The following SERINC1 variants were observed in gnomAD, a reference collection of about 807,000 sequenced individuals.
SERINC1 encodes serine incorporator 1, also known as tumor differentially expressed protein 2.
A neutral mutation model predicts 52.9 loss-of-function variants in SERINC1; 38 were observed. The ratio of observed to expected loss-of-function variants is 0.72; its 90% confidence interval spans 0.55 to 0.94. The LOEUF (loss-of-function observed/expected upper bound fraction) is 0.94. Ranked by LOEUF, SERINC1 falls within the 40% of genes least tolerant of loss-of-function variation. The pLI is 0.00. For missense variants in SERINC1, 471 were observed against 533.9 expected, an observed-to-expected ratio of 0.88 and a Z score of 1.16; for synonymous variants, 198 against 183.1, an observed-to-expected ratio of 1.08 and a Z score of -0.66.
chr6:122,456,464 C>A lies in SERINC1; in HGVS notation c.371+17G>T. 6.8e-7 allele frequency: 1 copy of A among 1,463,454 alleles called. No individual in the cohort carries two copies. The highest frequency in any genetic ancestry group is 2.5e-5 in the East Asian group (1 of 40,182). 90.7% of individuals were successfully genotyped at this position (1,463,454 alleles called of 1,614,324 possible). On this transcript the variant is annotated intron_variant, in intron 3 of 9. Coordinates refer to ENST00000339697, the MANE Select transcript of SERINC1 (RefSeq NM_020755.4). ...GGCTACCCAAGCTTTTATATTGAAG[C>A]TTATTTAAAAACTTACCCATTGTGC...
Position 122,446,950 on chromosome 6 carries a change from T to C in SERINC1, c.1050A>G (p.Glu350=), listed in dbSNP as rs764168529. 4 of 1,613,662 alleles carry C rather than the reference T, an allele frequency of 2.5e-6. No homozygotes were observed. Among genetic ancestry groups the C allele is most frequent in the Non-Finnish European group, 2.5e-6 (3 of 1,179,680 alleles). The part of the protein sequence containing the change: ...QVNKLTLTSD[E]STLIEDGGAR... ...CTCCACCATCTTCTATTAATGTAGA[T>C]TCATCACTTGTTAGAGTCAGTTTAT... Residue 350 remains glutamate, a synonymous_variant, in exon 9 of 10, where the codon GAA becomes GAG. Coordinates refer to ENST00000339697, the MANE Select transcript of SERINC1 (RefSeq NM_020755.4).
chr6:122,468,336 C>T (rs1467001822), intron 1 of SERINC1, among the ~76,000 whole-genome samples: 1 of 152,190 alleles, frequency 6.6e-6, no homozygotes, highest in Non-Finnish European at 1.5e-5. Context: ...GATTTAGCAG[C>T]ATCCTTGTCC....
intron 1 of SERINC1, among the ~76,000 whole-genome samples, chr6:122,458,903 T>C (rs1440089367): frequency 6.6e-6 from 1 of 152,130 alleles, no homozygotes; most frequent in Non-Finnish European, 1.5e-5. Flanking sequence ...CCTTGGACTC[T>C]ATGCCAAGTA....
At chr6:122,450,842 C>T (rs938823121) in intron 7 of SERINC1, among the ~76,000 whole-genome samples, 32 of 152,230 alleles carry the variant, frequency 2.1e-4, no homozygotes, top group Admixed American at 2.0e-3. Flanking sequence ...TGAATTGCTG[C>T]AATTTCATTA....
chr6:122,445,231 G>A (rs1337944888), intron 9 of SERINC1, 52 bp from the exon 10 acceptor site: 1 of 1,558,834 alleles, frequency 6.4e-7, no homozygotes, highest in Admixed American at 1.8e-5. Context: ...TGAATTATCA[G>A]CCACCAAGCT....
intron 1 of SERINC1, among the ~76,000 whole-genome samples, chr6:122,469,548 T>TTTTTGTTTTG (rs539537090): frequency 6.6e-6 from 1 of 151,762 alleles, no homozygotes; most frequent in Non-Finnish European, 1.5e-5. Context: ...GATTTTTGTT[T>TTTTTGTTTTG]TTTTGTTTTG....
chr6:122,447,035 A>G (rs774613825), intron 8 of SERINC1, 31 bp from the exon 9 acceptor site: 13 of 1,581,512 alleles, frequency 8.2e-6, no homozygotes, highest in South Asian at 5.6e-5. Context: ...GAGGAGAGAA[A>G]AAAAAGAACA....
chr6:122,446,608 G>A (rs1182348165), intron 9 of SERINC1, among the ~76,000 whole-genome samples, 166 bp downstream of exon 9: 1 of 152,168 alleles, frequency 6.6e-6, no homozygotes, highest in Non-Finnish European at 1.5e-5. Context: ...TTAAAGCAAG[G>A]AAGTAAAGAC....
chr6:122,465,739 A>G (rs1240224058), intron 1 of SERINC1, among the ~76,000 whole-genome samples: 1 of 152,200 alleles, frequency 6.6e-6, no homozygotes, highest in Admixed American at 6.5e-5. Context: ...ACTAAGATCA[A>G]TGAAAGTGGG....
rs1204985241 is a variant in SERINC1 at position 122,451,939 on chromosome 6, G to A, written c.708C>T (p.Asn236=). 1 of 1,599,804 alleles carries A rather than the reference G, an allele frequency of 6.3e-7. No individual in the cohort carries two copies. Among genetic ancestry groups the A allele is most frequent in the East Asian group, 2.3e-5 (1 of 43,258 alleles). The stretch of plus-strand genomic sequence containing the variant: ...CAGAAGCACCAACGCAGAGGAGCAT[G>A]TTGACACTGATGAACGCCTTGTTTT... ...CSENKAFISV[N]MLLCVGASVM... is the part of the protein sequence containing the mutation. Residue 236 remains asparagine (N), a synonymous_variant, in exon 6 of 10, where the codon AAC becomes AAT. Transcript: ENST00000339697.
At chr6:122,456,060 A>G (rs1300763396) in intron 3 of SERINC1, among the ~76,000 whole-genome samples, 1 of 152,172 alleles carries the variant, frequency 6.6e-6, no homozygotes, top group Non-Finnish European at 1.5e-5. Flanking sequence ...GCTCTATATG[A>G]AGGAAGATTG....
At chr6:122,450,340 G>C (rs950799908) in intron 7 of SERINC1, among the ~76,000 whole-genome samples, 1 of 152,102 alleles carries the variant, frequency 6.6e-6, no homozygotes, top group Non-Finnish European at 1.5e-5. Flanking sequence ...TATGGGTTAC[G>C]GAATATTTTA....
intron 7 of SERINC1, among the ~76,000 whole-genome samples, chr6:122,449,039 A>G (rs1047384460): frequency 6.6e-6 from 1 of 152,124 alleles, no homozygotes; most frequent in Non-Finnish European, 1.5e-5. Flanking sequence ...GGCACCACAA[A>G]TCACACCCAT....
intron 3 of SERINC1, among the ~76,000 whole-genome samples, chr6:122,454,907 T>C (rs1189195442): frequency 6.6e-6 from 1 of 152,224 alleles, no homozygotes; most frequent in South Asian, 2.1e-4. Context: ...AACATGTTCA[T>C]GCATGCATAT....
At chr6:122,445,412 C>G (rs560890628) in intron 9 of SERINC1, among the ~76,000 whole-genome samples, 5 of 152,136 alleles carry the variant, frequency 3.3e-5, no homozygotes, top group African/African-American at 1.2e-4. Flanking sequence ...AGTTATTTTG[C>G]ATAATCTCTG....
intron 1 of SERINC1, among the ~76,000 whole-genome samples, chr6:122,461,367 G>A (rs867590419): frequency 5.3e-5 from 8 of 151,844 alleles, no homozygotes; most frequent in African/African-American, 7.3e-5. Context: ...AGTAAGAAAC[G>A]GTTCAAGCCT....
Position 122,451,773 on chromosome 6 carries a change from AAAAATAT to A in SERINC1, c.760-26_760-20del, listed in dbSNP as rs1445408275. 23 of 299,320 alleles carry A rather than the reference AAAAATAT, an allele frequency of 7.7e-5. No individual in the cohort carries two copies. The highest frequency in any genetic ancestry group is 2.4e-4 in the South Asian group (2 of 8,180). The allele number at this position is 299,320 out of a possible 1,614,324, so 18.5% of individuals were successfully genotyped here. A position where few individuals can be genotyped will look rare whatever the true frequency, so the allele number is the denominator to read the frequency against. Reference sequence around the variant, plus strand: ...GTGATTCCTACAAAAAAAAAAAAAAAAAAATATATATATATATATATAGCAACACAGG... The same window carrying A: ...GTGATTCCTACAAAAAAAAAAAAAAAATATATATATATATAGCAACACAGG... On this transcript the variant is annotated intron_variant, in intron 6 of 9. Transcript: ENST00000339697.
intron 1 of SERINC1, among the ~76,000 whole-genome samples, chr6:122,470,749 T>A (rs987077347): frequency 6.6e-6 from 1 of 152,048 alleles, no homozygotes; most frequent in Admixed American, 6.5e-5. Context: ...AGAAAAGCAA[T>A]TGTTAGAAAC....
In SERINC1 at chr6:122,454,021, T is replaced by C. The variant is rs142369083; in HGVS notation, c.452-114A>G. On this transcript the variant is annotated intron_variant, in intron 4 of 9. Transcript: ENST00000339697. ...AAAATTTTATATGAACATCTTGATT[T>C]TGCCAACTGGGGAAACACACACACA... is the stretch of plus-strand genomic sequence containing the variant. The C allele has an allele frequency of 3.1e-5, 40 of 1,279,426 alleles. No homozygotes were observed. The African/African-American group carries it at 5.3e-4, about 17-fold the overall frequency. 79.3% of individuals were successfully genotyped at this position (1,279,426 alleles called of 1,614,324 possible).
Sources: allele counts gnomAD v4.1 joint callset (sites outside exome capture counted in the v4.1 genomes callset), GRCh38; gene constraint gnomAD v4.1.1; transcripts MANE v1.5; gene names NCBI Gene and HGNC (gene_info 2026-07-23, HGNC 2026-07-21).